Variants in GPHN observed in about 807,000 individuals in gnomAD.
GPHN encodes the protein gephyrin.
A neutral mutation model predicts 95.5 loss-of-function variants in GPHN; 17 were observed. That is an observed-to-expected ratio of 0.18 (90% CI 0.12 to 0.27). The LOEUF (loss-of-function observed/expected upper bound fraction) is 0.27, where lower values mean the gene tolerates loss of function less well. GPHN is among the 10% of genes least tolerant of loss of function. The pLI, the probability that GPHN is intolerant of heterozygous loss-of-function variation, is 1.00. For missense variants in GPHN, 660 were observed against 978.1 expected (o/e 0.67, Z 4.34); for synonymous variants, 320 against 322.5 (o/e 0.99, Z 0.08).
intron 3 of GPHN, among the ~76,000 whole-genome samples, chr14:66,778,606 A>G (rs116842860): frequency 0.012 from 1,872 of 152,182 alleles, 18 homozygotes; most frequent in Non-Finnish European, 0.018. Context: ...GATCTCAACA[A>G]ATCACTAAGC....
At chr14:67,703,958 G>A in the GPHN span, among the ~76,000 whole-genome samples, 68 of 152,268 alleles carry the variant, frequency 4.5e-4, no homozygotes, top group African/African-American at 1.6e-3. Context: ...GATTACAGGC[G>A]TGAGCCACTG....
intron 10 of GPHN, among the ~76,000 whole-genome samples, chr14:67,057,738 T>C (rs141355368): frequency 1.8e-4 from 27 of 152,318 alleles, no homozygotes; most frequent in African/African-American, 6.3e-4. Context: ...TTTCTTACCT[T>C]TCTGCTGGAC....
the GPHN span, chr14:67,691,103 G>A: frequency 7.1e-7 from 1 of 1,399,140 alleles, no homozygotes; most frequent in Non-Finnish European, 1.0e-6. Context: ...GAGAATTTTG[G>A]GTCTCTCTAG....
rs185589785 is a variant in GPHN at position 66,740,128 on chromosome 14, C to G, written c.144-36336C>G. ...AGGTTCAAAACTACACTGTTTCATG[C>G]ACACTGGTGTATTTATGATATATCT... On this transcript the variant is annotated intron_variant, in intron 2 of 22. Coordinates refer to ENST00000478722, the MANE Select transcript of GPHN (RefSeq NM_020806.5). Among the ~76,000 whole-genome samples the G allele has an allele frequency of 3.1e-3, 472 of 152,210 alleles. 2 individuals carry two copies. The highest frequency in any genetic ancestry group is 0.011 in the African/African-American group (446 of 41,550).
intron 1 of GPHN, among the ~76,000 whole-genome samples, chr14:66,624,330 G>A (rs8013247): frequency 0.34 from 51,856 of 152,086 alleles, 13,378 homozygotes; most frequent in African/African-American, 0.7. Flanking sequence ...ACCTTGGTCC[G>A]TGTTTTAGTA....
intron 1 of GPHN, among the ~76,000 whole-genome samples, chr14:66,542,242 C>G (rs1180722092): frequency 6.6e-6 from 1 of 152,184 alleles, no homozygotes. Context: ...TCACAAATAT[C>G]AAGTATCAAG....
the GPHN span, among the ~76,000 whole-genome samples, chr14:67,316,063 A>C: frequency 3.0e-4 from 46 of 152,356 alleles, no homozygotes; most frequent in African/African-American, 1.1e-3. Flanking sequence ...GATTTTTAAG[A>C]ATCTCTGGCT....
chr14:67,435,747 C>T, the GPHN span, among the ~76,000 whole-genome samples: 2 of 152,230 alleles, frequency 1.3e-5, no homozygotes, highest in Non-Finnish European at 2.9e-5. Flanking sequence ...GGGTGACTAA[C>T]AGGACCTTTC....
At chr14:66,588,829 A>G (rs1255914596) in intron 1 of GPHN, among the ~76,000 whole-genome samples, 1 of 152,178 alleles carries the variant, frequency 6.6e-6, no homozygotes, top group Non-Finnish European at 1.5e-5. Context: ...ATCCAGGAGA[A>G]CTTTCCCAAC....
the GPHN span, among the ~76,000 whole-genome samples, chr14:67,703,103 A>C: frequency 6.6e-6 from 1 of 152,272 alleles, no homozygotes; most frequent in South Asian, 2.1e-4. Flanking sequence ...TGCTGGCATG[A>C]GTCACCTCAT....
intron 10 of GPHN, among the ~76,000 whole-genome samples, chr14:67,049,262 G>A (rs931332706): frequency 4.6e-5 from 7 of 151,184 alleles, no homozygotes; most frequent in Non-Finnish European, 1.0e-4. Context: ...GAGTCTCACC[G>A]TGTCGCCCAG....
chr14:67,628,242 C>G, the GPHN span, among the ~76,000 whole-genome samples: 1 of 152,264 alleles, frequency 6.6e-6, no homozygotes, highest in South Asian at 2.1e-4. Flanking sequence ...ATAGATAGGT[C>G]TCACTATGTT....
At chr14:67,498,926 C>T in the GPHN span, among the ~76,000 whole-genome samples, 1 of 152,094 alleles carries the variant, frequency 6.6e-6, no homozygotes, top group Non-Finnish European at 1.5e-5. Context: ...ACCTTGGCCT[C>T]CCAAAATGCT....
the GPHN span, chr14:67,571,823 G>A: frequency 6.2e-7 from 1 of 1,613,940 alleles, no homozygotes; most frequent in Non-Finnish European, 8.5e-7. Context: ...GCAGCTCTCA[G>A]GCGAGTTTCC....
At chr14:67,112,540 A>T (rs1035651364) in intron 15 of GPHN, among the ~76,000 whole-genome samples, 6 of 152,202 alleles carry the variant, frequency 3.9e-5, no homozygotes, top group African/African-American at 2.4e-5. Flanking sequence ...GACCAACCTA[A>T]GTGGTCCATA....
At chr14:67,560,215 A>G in the GPHN span, among the ~76,000 whole-genome samples, 12 of 151,940 alleles carry the variant, frequency 7.9e-5, no homozygotes, top group African/African-American at 2.4e-4. Flanking sequence ...TTTAGTAGAG[A>G]CAGGTTTCAC....
chr14:66,614,314 A>C (rs1365474612), intron 1 of GPHN, among the ~76,000 whole-genome samples: 1 of 152,152 alleles, frequency 6.6e-6, no homozygotes, highest in African/African-American at 2.4e-5. Context: ...CCAGAACAAG[A>C]TTTCAAATTC....
chr14:67,030,019 A>G (rs1377736898), intron 10 of GPHN, among the ~76,000 whole-genome samples: 2 of 145,450 alleles, frequency 1.4e-5, no homozygotes, highest in African/African-American at 2.6e-5. Context: ...CCAGTCATTA[A>G]TTATCAGTAT....
At chr14:67,229,633 G>T in the GPHN span, among the ~76,000 whole-genome samples, 1 of 151,878 alleles carries the variant, frequency 6.6e-6, no homozygotes, top group Non-Finnish European at 1.5e-5. Flanking sequence ...TAAAATATAC[G>T]CCAGATTTGG....
Sources: allele counts gnomAD v4.1 joint callset (sites outside exome capture counted in the v4.1 genomes callset), GRCh38; gene constraint gnomAD v4.1.1; transcripts MANE v1.5; gene names NCBI Gene and HGNC (gene_info 2026-07-23, HGNC 2026-07-21).